TBC1D22B: variants seen among roughly 807,000 people sequenced by gnomAD.
TBC1D22B encodes the protein chromosome 6 open reading frame 197.
A neutral mutation model predicts 69.1 loss-of-function variants in TBC1D22B; 32 were observed. The ratio of observed to expected loss-of-function variants is 0.46; its 90% CI spans 0.35 to 0.62. The LOEUF is 0.62. Ranked by LOEUF, TBC1D22B falls within the 20% of genes least tolerant of loss-of-function variation. TBC1D22B has a pLI of 0.00. For missense variants in TBC1D22B, 462 were observed against 630.9 expected (o/e 0.73, Z 2.87); for synonymous variants, 206 against 229.8 (o/e 0.90, Z 0.94).
At chr6:37,275,758 T>G (rs1583534106) in intron 2 of TBC1D22B, among the ~76,000 whole-genome samples, 1 of 152,192 alleles carries the variant, frequency 6.6e-6, no homozygotes, top group South Asian at 2.1e-4. Flanking sequence ...ATATGGCTAG[T>G]GAGTAGCCAA....
intron 2 of TBC1D22B, among the ~76,000 whole-genome samples, 183 bp downstream of exon 2, chr6:37,269,833 C>T (rs866820741): frequency 2.0e-5 from 3 of 152,132 alleles, no homozygotes; most frequent in South Asian, 2.1e-4. Context: ...AATTAACTCC[C>T]ATTAGAGATT....
At chr6:37,320,334 G>A (rs1768203067) in intron 12 of TBC1D22B, among the ~76,000 whole-genome samples, 1 of 152,104 alleles carries the variant, frequency 6.6e-6, no homozygotes, top group Admixed American at 6.5e-5. Flanking sequence ...TTGTTTCTCT[G>A]TGCCTCCGTT....
chr6:37,283,468 C>G (rs952424934), intron 5 of TBC1D22B, among the ~76,000 whole-genome samples: 3 of 152,166 alleles, frequency 2.0e-5, no homozygotes, highest in Middle Eastern at 3.2e-3. Context: ...TTATTGAGAG[C>G]CTGCTGTTTG....
intron 12 of TBC1D22B, among the ~76,000 whole-genome samples, chr6:37,325,963 G>A (rs1277847244): frequency 1.3e-5 from 2 of 152,202 alleles, no homozygotes; most frequent in Admixed American, 6.5e-5. Flanking sequence ...TTACGGCTAA[G>A]CATCACTTCC....
At chr6:37,297,457 A>G (rs1437809826) in intron 8 of TBC1D22B, among the ~76,000 whole-genome samples, 1 of 152,206 alleles carries the variant, frequency 6.6e-6, no homozygotes, top group African/African-American at 2.4e-5. Flanking sequence ...TCTTTAAGGT[A>G]GATGTATCAA....
At chr6:37,292,324 G>A (rs1048169020) in intron 8 of TBC1D22B, among the ~76,000 whole-genome samples, 1 of 152,156 alleles carries the variant, frequency 6.6e-6, no homozygotes. Flanking sequence ...CCTTTGGAGA[G>A]GAGAGCATAA....
intron 8 of TBC1D22B, among the ~76,000 whole-genome samples, chr6:37,305,132 C>T (rs138932932): frequency 8.9e-4 from 136 of 152,254 alleles, no homozygotes; most frequent in African/African-American, 3.2e-3. Context: ...TTGTGCTCGC[C>T]CCCCACGCTC....
chr6:37,310,641 C>T (rs1346107626), intron 8 of TBC1D22B, among the ~76,000 whole-genome samples: 1 of 152,072 alleles, frequency 6.6e-6, no homozygotes, highest in Non-Finnish European at 1.5e-5. Context: ...GCACTCCAGC[C>T]TGGGAGATAA....
intron 8 of TBC1D22B, among the ~76,000 whole-genome samples, chr6:37,308,090 A>G (rs1331745779): frequency 6.6e-6 from 1 of 152,222 alleles, no homozygotes; most frequent in Non-Finnish European, 1.5e-5. Flanking sequence ...AGAGTGGCCA[A>G]TTTGATTTTT....
intron 10 of TBC1D22B, 90 bp from the exon 11 acceptor site, chr6:37,316,613 A>G (rs1249397038): frequency 1.3e-6 from 2 of 1,482,908 alleles, no homozygotes; most frequent in African/African-American, 2.8e-5. Flanking sequence ...GGGAGGGGGC[A>G]GTAAGAAGTG....
chr6:37,277,322 C>T (rs77017749), intron 2 of TBC1D22B, among the ~76,000 whole-genome samples: 4 of 152,134 alleles, frequency 2.6e-5, no homozygotes, highest in Non-Finnish European at 4.4e-5. Flanking sequence ...TGTTTGTTCT[C>T]GACAGCGAAT....
intron 12 of TBC1D22B, among the ~76,000 whole-genome samples, chr6:37,329,984 G>A (rs1768534025): frequency 6.6e-6 from 1 of 152,180 alleles, no homozygotes; most frequent in South Asian, 2.1e-4. Context: ...GGATGCACAA[G>A]ACCTTTACAC....
chr6:37,301,911 C>T (rs1383257953), intron 8 of TBC1D22B, among the ~76,000 whole-genome samples: 1 of 152,112 alleles, frequency 6.6e-6, no homozygotes, highest in Non-Finnish European at 1.5e-5. Context: ...CCCTCATTAT[C>T]CTGGGTAGGT....
At chr6:37,327,618 G>A (rs990983287) in intron 12 of TBC1D22B, among the ~76,000 whole-genome samples, 11 of 152,148 alleles carry the variant, frequency 7.2e-5, no homozygotes, top group African/African-American at 2.4e-4. Context: ...TCCTGTGAGA[G>A]GGGAATATTC....
At chr6:37,282,816 C>T in intron 4 of TBC1D22B, 66 bp from the exon 5 acceptor site, 1 of 1,468,582 alleles carries the variant, frequency 6.8e-7, no homozygotes, top group Non-Finnish European at 9.5e-7. Flanking sequence ...TCAGGCAGTG[C>T]TGGTTGCGGT....
At chr6:37,274,359 G>T (rs1465486527) in intron 2 of TBC1D22B, among the ~76,000 whole-genome samples, 3 of 152,158 alleles carry the variant, frequency 2.0e-5, no homozygotes, top group Non-Finnish European at 4.4e-5. Context: ...TTGATCTTTT[G>T]TACTCCTAAC....
rs558500177 is a variant in TBC1D22B at position 37,277,096 on chromosome 6, G to A, written c.114-2208G>A. 3.3e-5 allele frequency among the ~76,000 whole-genome samples: 5 copies of A among 152,132 alleles called. No homozygotes were observed. In the East Asian group the frequency reaches 5.8e-4, roughly 18 times the overall value. On this transcript the variant is annotated intron_variant, in intron 2 of 12. Coordinates refer to ENST00000373491, the MANE Select transcript of TBC1D22B (RefSeq NM_017772.4). The stretch of plus-strand genomic sequence containing the variant: ...GTGTGTTCATCCGGTCCTGGTGTGC[G>A]TGTGTGTCACCCTGTGTTAGGCCAC...
Position 37,257,930 on chromosome 6 carries a change from A to G in TBC1D22B, c.13A>G (p.Asn5Asp). 1 of 1,614,036 alleles carries G rather than the reference A, an allele frequency of 6.2e-7. No individual in the cohort carries two copies. Among genetic ancestry groups the G allele is most frequent in the Non-Finnish European group, 8.5e-7 (1 of 1,179,986 alleles). Residue 5 changes from asparagine to aspartate, a missense_variant, in exon 1 of 13, where the codon AAC becomes GAC. Around this residue, in one of 2 missense-constraint regions of TBC1D22B, gnomAD observed 237 missense variants for 255.4 expected, o/e 0.93. Coordinates refer to ENST00000373491, the MANE Select transcript of TBC1D22B (RefSeq NM_017772.4). MAAE[N>D]SKQFWKRSAK... ...CCCGGCCAGAGCAATGGCCGCTGAG[A>G]ACAGCAAGCAGTTTTGGAAGAGGAG...
chr6:37,289,388 CTT>C (rs1302761693), intron 7 of TBC1D22B, among the ~76,000 whole-genome samples: 1 of 152,204 alleles, frequency 6.6e-6, no homozygotes, highest in African/African-American at 2.4e-5. Context: ...TTATCCCAGA[CTT>C]TTTCTATAGC....
Sources: allele counts gnomAD v4.1 joint callset (sites outside exome capture counted in the v4.1 genomes callset), GRCh38; gene constraint gnomAD v4.1.1; regional missense constraint gnomAD v4.1.1; transcripts MANE v1.5; gene names NCBI Gene and HGNC (gene_info 2026-07-23, HGNC 2026-07-21).